SLC9C1: variants seen among roughly 807,000 people sequenced by gnomAD.
SLC9C1 encodes the protein sodium/hydrogen exchanger 10.
A neutral mutation model predicts 140.9 loss-of-function variants in SLC9C1; 97 were observed. That is an observed-to-expected ratio of 0.69 (90% CI 0.58 to 0.82). The LOEUF (loss-of-function observed/expected upper bound fraction) is 0.82, where lower values mean the gene tolerates loss of function less well. Ranked by LOEUF, SLC9C1 falls within the 40% of genes least tolerant of loss-of-function variation. The probability of loss-of-function intolerance (pLI) is 0.00; values close to 1 mark genes in which losing one functional copy is unlikely to be tolerated. For missense variants in SLC9C1, 1,340 were observed against 1,389.3 expected (o/e 0.96, Z 0.56); for synonymous variants, 440 against 442.6 (o/e 0.99, Z 0.07).
At chr3:112,163,487 G>A (rs1208846639) in intron 26 of SLC9C1, among the ~76,000 whole-genome samples, 2 of 151,484 alleles carry the variant, frequency 1.3e-5, no homozygotes, top group East Asian at 1.9e-4. Flanking sequence ...GTTCTCGTTG[G>A]TTTCAAAGAA....
chr3:112,146,238 A>G (rs1304054916), intron 28 of SLC9C1, among the ~76,000 whole-genome samples: 1 of 150,830 alleles, frequency 6.6e-6, no homozygotes, highest in South Asian at 2.1e-4. Flanking sequence ...TGATCTACTG[A>G]TGTTGTTTAT....
At chr3:112,156,384 C>T (rs949295778) in intron 26 of SLC9C1, among the ~76,000 whole-genome samples, 1 of 151,978 alleles carries the variant, frequency 6.6e-6, no homozygotes, top group Non-Finnish European at 1.5e-5. Context: ...TACACACATA[C>T]ACACATATAC....
In SLC9C1 at chr3:112,262,788, C is replaced by G. The variant is rs571650951; in HGVS notation, c.1197+136G>C. The G allele has an allele frequency of 5.5e-5, 38 of 689,566 alleles. No individual in the cohort carries two copies. The African/African-American group carries it at 6.2e-4, about 11-fold the overall frequency. The allele number at this position is 689,566 out of a possible 1,614,324, so 42.7% of individuals were successfully genotyped here. Reference sequence around the variant, plus strand: ...AGTTGCCAGTTGTTCCTCCTCTCCCCGATCTTGCCATCATAGCTAAATCAC... The same window carrying G: ...AGTTGCCAGTTGTTCCTCCTCTCCCGGATCTTGCCATCATAGCTAAATCAC... On this transcript the variant is annotated intron_variant, in intron 10 of 28. Transcript: ENST00000305815.
chr3:112,279,806 G>T (rs1464805630), intron 3 of SLC9C1, among the ~76,000 whole-genome samples: 2 of 152,146 alleles, frequency 1.3e-5, no homozygotes, highest in Admixed American at 1.3e-4. Flanking sequence ...GTTAACTCTG[G>T]TTATTGCTAT....
intron 10 of SLC9C1, among the ~76,000 whole-genome samples, chr3:112,245,663 C>T (rs1274665852): frequency 2.0e-5 from 3 of 151,856 alleles, no homozygotes; most frequent in Non-Finnish European, 2.9e-5. Context: ...CCTTAAATTT[C>T]GTTCTTCCTT....
At chr3:112,176,137 C>G (rs1376266628) in intron 23 of SLC9C1, among the ~76,000 whole-genome samples, 3 of 152,168 alleles carry the variant, frequency 2.0e-5, no homozygotes, top group Non-Finnish European at 4.4e-5. Flanking sequence ...TGTCAGACTG[C>G]AAACCCTAGT....
At chr3:112,235,943 G>C (rs564827091) in intron 12 of SLC9C1, among the ~76,000 whole-genome samples, 1 of 152,216 alleles carries the variant, frequency 6.6e-6, no homozygotes, top group South Asian at 2.1e-4. Context: ...TTTTTGTTGT[G>C]TCTCTGCCAG....
At chr3:112,165,885 A>T (rs2077119924) in intron 26 of SLC9C1, among the ~76,000 whole-genome samples, 1 of 152,244 alleles carries the variant, frequency 6.6e-6, no homozygotes, top group African/African-American at 2.4e-5. Flanking sequence ...CTGCAGAAGC[A>T]GGCAGGCCTC....
chr3:112,210,640 A>G (rs767249070), intron 15 of SLC9C1, among the ~76,000 whole-genome samples: 12 of 152,222 alleles, frequency 7.9e-5, no homozygotes, highest in Non-Finnish European at 1.5e-4. Flanking sequence ...TGGTTAACTT[A>G]TGTATATGAA....
chr3:112,181,607 T>C (rs762161508), intron 21 of SLC9C1, among the ~76,000 whole-genome samples: 4 of 152,152 alleles, frequency 2.6e-5, no homozygotes, highest in Admixed American at 6.5e-5. Context: ...ATAATTGTAA[T>C]GTAATGTACT....
At chr3:112,207,592 G>A (rs772092349) in intron 16 of SLC9C1, among the ~76,000 whole-genome samples, 10 of 152,116 alleles carry the variant, frequency 6.6e-5, no homozygotes, top group African/African-American at 9.7e-5. Context: ...TTCAGTCATT[G>A]GAAGTAGTGT....
intron 16 of SLC9C1, among the ~76,000 whole-genome samples, chr3:112,207,167 CA>C (rs1317437534): frequency 6.6e-6 from 1 of 151,794 alleles, no homozygotes; most frequent in Non-Finnish European, 1.5e-5. Flanking sequence ...CTGCATATTT[CA>C]AAAAAAGGTT....
chr3:112,170,490 G>T (rs1310487099), intron 23 of SLC9C1, among the ~76,000 whole-genome samples: 1 of 151,968 alleles, frequency 6.6e-6, no homozygotes, highest in Non-Finnish European at 1.5e-5. Context: ...TCTTGCTGTT[G>T]AGCTTTTGAG....
At chr3:112,240,223 A>T (rs1043731353) in intron 11 of SLC9C1, among the ~76,000 whole-genome samples, 5 of 152,238 alleles carry the variant, frequency 3.3e-5, no homozygotes, top group African/African-American at 1.2e-4. Context: ...GCTAATGTTT[A>T]TTGAGTGCTT....
At chr3:112,156,108 A>G (rs1017805241) in intron 26 of SLC9C1, among the ~76,000 whole-genome samples, 4 of 151,986 alleles carry the variant, frequency 2.6e-5, no homozygotes, top group African/African-American at 9.7e-5. Context: ...TTCCCCTCTA[A>G]CTGTATTTTT....
At chr3:112,158,522 T>C (rs2075192640) in intron 26 of SLC9C1, among the ~76,000 whole-genome samples, 1 of 152,068 alleles carries the variant, frequency 6.6e-6, no homozygotes, top group South Asian at 2.1e-4. Context: ...ATCAGGATGA[T>C]GCTGGCCTAG....
Position 112,168,871 on chromosome 3 carries a change from C to G in SLC9C1, c.3237+6G>C. ...GATCTGAAGACAGGAATCAATATTT[C>G]TTTACCTGATGGCATGTTATAGGAA... On this transcript the variant is annotated splice_donor_region_variant and intron_variant, in intron 25 of 28. Coordinates refer to ENST00000305815, the MANE Select transcript of SLC9C1 (RefSeq NM_183061.3). The G allele has an allele frequency of 6.4e-7, 1 of 1,572,702 alleles. No homozygotes were observed. Among genetic ancestry groups the G allele is most frequent in the Non-Finnish European group, 8.6e-7 (1 of 1,164,754 alleles).
chr3:112,199,570 GC>G (rs2077854186), intron 19 of SLC9C1, 101 bp from the exon 20 acceptor site: 1 of 849,014 alleles, frequency 1.2e-6, no homozygotes, highest in Non-Finnish European at 1.7e-6. Flanking sequence ...ATGGAATACC[GC>G]CCTCAACACA....
In SLC9C1 at chr3:112,168,866, T is replaced by C. The variant is rs372863476; in HGVS notation, c.3237+11A>G. The C allele has an allele frequency of 5.2e-5, 81 of 1,565,616 alleles. No individual in the cohort carries two copies. Among genetic ancestry groups the C allele is most frequent in the Non-Finnish European group, 6.3e-5 (73 of 1,161,388 alleles). On this transcript the variant is annotated intron_variant, in intron 25 of 28. Coordinates refer to ENST00000305815, the MANE Select transcript of SLC9C1 (RefSeq NM_183061.3). The stretch of plus-strand genomic sequence containing the variant: ...ATATTGATCTGAAGACAGGAATCAA[T>C]ATTTCTTTACCTGATGGCATGTTAT...
Sources: gnomAD v4.1 joint callset for allele counts (sites outside exome capture counted in the v4.1 genomes callset) on GRCh38, gnomAD v4.1.1 for gene constraint, MANE v1.5 for transcripts, NCBI Gene and HGNC (gene_info 2026-07-23, HGNC 2026-07-21) for gene names.